The following TTC3 variants were observed in gnomAD, a reference collection of about 807,000 sequenced individuals.
The protein encoded by TTC3 is tetratricopeptide repeat domain 3.
A neutral mutation model predicts 249.6 loss-of-function variants in TTC3; 180 were observed. That is an observed-to-expected ratio of 0.72 (90% CI 0.64 to 0.82). The LOEUF is 0.82. Among genes scored for constraint, TTC3 ranks in the 40% least tolerant of loss-of-function variants. TTC3 has a pLI of 0.00. For missense variants in TTC3, 2,061 were observed against 2,398.4 expected, an observed-to-expected ratio of 0.86 and a Z score of 2.94; for synonymous variants, 717 against 805.0, an observed-to-expected ratio of 0.89 and a Z score of 1.85.
intron 1 of TTC3, chr21:37,083,066 T>A: frequency 1.2e-5 from 12 of 985,446 alleles, no homozygotes; most frequent in Non-Finnish European, 1.4e-5. Context: ...ATGTGAAAAC[T>A]GCTGTCAGAG....
At position 37,162,078 on chromosome 21, in the gene TTC3, T is replaced by C. The variant is rs771287563; in HGVS notation, c.3170+15T>C. 6.7e-6 allele frequency: 10 copies of C among 1,497,272 alleles called. No individual in the cohort carries two copies. Among genetic ancestry groups the C allele is most frequent in the Admixed American group, 1.9e-5 (1 of 52,050 alleles). The allele number at this position is 1,497,272 out of a possible 1,614,324, so 92.7% of individuals were successfully genotyped here. ...GAAGACCATAGGTAAGTATAATTTT[T>C]AAATTTTTGCTTCATTTTAACTCAA... On this transcript the variant is annotated intron_variant, in intron 31 of 45. Transcript: ENST00000355666.
At chr21:37,195,811 A>G in exon 42 of TTC3, 27 of 1,614,184 alleles carry the variant, frequency 1.7e-5, no homozygotes, top group Non-Finnish European at 2.3e-5. Flanking sequence ...TCCCCAGGGG[A>G]GGCTCCTTCT....
intron 38 of TTC3, 69 bp from the exon 39 acceptor site, chr21:37,188,426 T>C (rs939168902): frequency 7.9e-7 from 1 of 1,261,034 alleles, no homozygotes; most frequent in East Asian, 2.4e-5. Context: ...AATGTTTAAG[T>C]TTTAACCTTT....
chr21:37,157,640 G>A (rs983824872), intron 28 of TTC3, among the ~76,000 whole-genome samples: 4 of 152,170 alleles, frequency 2.6e-5, no homozygotes, highest in Admixed American at 6.5e-5. Context: ...GGCTGTGAAC[G>A]TGAAAGTGGA....
Position 37,150,809 on chromosome 21 carries a change from T to TA in TTC3, c.2212-11_2212-10insA, listed in dbSNP as rs1459610483. 1.2e-6 allele frequency: 2 copies of TA among 1,605,850 alleles called. No homozygotes were observed. The highest frequency in any genetic ancestry group is 2.7e-5 in the African/African-American group (2 of 74,642). ...TGAGACAAATTTTGGATGTCTTTGT[T>TA]TTATTTAAAGTTTGAACACAAGGTC... On this transcript the variant is annotated splice_polypyrimidine_tract_variant and intron_variant, in intron 24 of 45. Coordinates refer to ENST00000355666, the Ensembl canonical transcript of TTC3.
intron 7 of TTC3, 114 bp downstream of exon 7, chr21:37,091,527 AT>A: frequency 1.5e-6 from 1 of 672,494 alleles, no homozygotes; most frequent in Non-Finnish European, 2.1e-6. Context: ...AAAAGTTTTT[AT>A]TTTGTTATAT....
At chr21:37,158,999 A>G (rs1441160620) in intron 28 of TTC3, among the ~76,000 whole-genome samples, 1 of 152,120 alleles carries the variant, frequency 6.6e-6, no homozygotes, top group Admixed American at 6.5e-5. Flanking sequence ...CTTCTAGAAC[A>G]TCTGTCTAAC....
intron 1 of TTC3, among the ~76,000 whole-genome samples, chr21:37,076,781 C>T (rs575473463): frequency 6.7e-4 from 99 of 146,906 alleles, no homozygotes; most frequent in African/African-American, 2.2e-3. Flanking sequence ...CGGCTCACTG[C>T]AACCTCTGCC....
intron 11 of TTC3, among the ~76,000 whole-genome samples, chr21:37,110,593 A>G (rs1414752635): frequency 6.6e-6 from 1 of 152,262 alleles, no homozygotes; most frequent in African/African-American, 2.4e-5. Flanking sequence ...GGTGTACCTG[A>G]AAGTGACGGG....
At chr21:37,185,343 A>G (rs1326032878) in intron 36 of TTC3, among the ~76,000 whole-genome samples, 3 of 152,232 alleles carry the variant, frequency 2.0e-5, no homozygotes, top group African/African-American at 7.2e-5. Flanking sequence ...GGCTGTTTTC[A>G]TTTTGAATGA....
intron 1 of TTC3, among the ~76,000 whole-genome samples, chr21:37,077,231 C>T (rs2071018429): frequency 6.6e-6 from 1 of 151,546 alleles, no homozygotes; most frequent in African/African-American, 2.4e-5. Flanking sequence ...TCACCCTTTG[C>T]AATTATTTAA....
At chr21:37,103,136 G>C (rs1330051622) in intron 10 of TTC3, among the ~76,000 whole-genome samples, 1 of 152,140 alleles carries the variant, frequency 6.6e-6, no homozygotes, top group African/African-American at 2.4e-5. Context: ...AAGAGTTCAG[G>C]AATAATTAGC....
At chr21:37,160,999 C>A in intron 30 of TTC3, 141 bp downstream of exon 30, 1 of 746,824 alleles carries the variant, frequency 1.3e-6, no homozygotes, top group Non-Finnish European at 2.0e-6. Context: ...GATGTTTTGG[C>A]AGTCTTCTAC....
At chr21:37,133,346 C>A (rs1433084609) in intron 17 of TTC3, among the ~76,000 whole-genome samples, 1 of 152,032 alleles carries the variant, frequency 6.6e-6, no homozygotes, top group Non-Finnish European at 1.5e-5. Context: ...ACATGTGGAT[C>A]TTTTTTTAGG....
intron 11 of TTC3, among the ~76,000 whole-genome samples, chr21:37,117,850 AAAAG>A (rs1282489227): frequency 0.033 from 5,019 of 149,894 alleles, 263 homozygotes; most frequent in African/African-American, 0.12. Flanking sequence ...AAAAAAAAAA[AAAAG>A]AAAAAAGAAA....
At chr21:37,186,948 C>A in intron 37 of TTC3, 101 bp from the exon 38 acceptor site, 1 of 622,480 alleles carries the variant, frequency 1.6e-6, no homozygotes, top group Non-Finnish European at 2.7e-6. Flanking sequence ...GTAGCTGAGG[C>A]TATCGTGGTG....
intron 12 of TTC3, among the ~76,000 whole-genome samples, chr21:37,122,456 GT>G (rs1365328083): frequency 7.1e-6 from 1 of 141,346 alleles, no homozygotes; most frequent in African/African-American, 2.7e-5. Flanking sequence ...TATATATAAT[GT>G]TTTTTATATA....
At chr21:37,140,762 G>A (rs2078369399) in intron 20 of TTC3, 89 bp downstream of exon 20, 1 of 854,810 alleles carries the variant, frequency 1.2e-6, no homozygotes, top group Non-Finnish European at 1.8e-6. Flanking sequence ...GAATTATTTT[G>A]ATATCTCCTC....
At chr21:37,082,899 A>G in intron 1 of TTC3, 2 of 979,784 alleles carry the variant, frequency 2.0e-6, no homozygotes, top group Non-Finnish European at 2.4e-6. Context: ...TGGTGATACC[A>G]ACATTTCCAT....
Sources: gnomAD v4.1 joint callset for allele counts (sites outside exome capture counted in the v4.1 genomes callset) on GRCh38, gnomAD v4.1.1 for gene constraint, MANE v1.5 for transcripts, NCBI Gene and HGNC (gene_info 2026-07-23, HGNC 2026-07-21) for gene names.